NPHS2: variants seen among roughly 807,000 people sequenced by gnomAD.
NPHS2 encodes NPHS2 stomatin family member, podocin.
In NPHS2, 36 loss-of-function variants were observed where a neutral mutation model predicts 37.1. That is an observed-to-expected ratio of 0.97 (90% CI 0.74 to 1.28). The LOEUF is 1.28. NPHS2 is among the 50% of genes most tolerant of loss of function. NPHS2 has a pLI of 0.00. For missense variants in NPHS2, 447 were observed against 488.1 expected (o/e 0.92, Z 0.79); for synonymous variants, 196 against 189.3 (o/e 1.04, Z -0.29).
At chr1:179,560,237 G>A (rs972022721) in intron 3 of NPHS2, among the ~76,000 whole-genome samples, 2 of 152,148 alleles carry the variant, frequency 1.3e-5, no homozygotes, top group Non-Finnish European at 1.5e-5. Context: ...AATCAGAATA[G>A]CAATTATCAT....
intron 4 of NPHS2, 53 bp downstream of exon 4, chr1:179,559,626 T>G: frequency 8.8e-7 from 1 of 1,134,938 alleles, no homozygotes; most frequent in Non-Finnish European, 1.3e-6. Context: ...TTGTCCACGG[T>G]AGGTAGACCA....
intron 2 of NPHS2, among the ~76,000 whole-genome samples, chr1:179,563,685 AT>A (rs1674231459): frequency 6.6e-6 from 1 of 152,260 alleles, no homozygotes; most frequent in East Asian, 1.9e-4. Flanking sequence ...ATTGACAAAT[AT>A]GTGGAAATTA....
At chr1:179,572,552 A>G (rs1159605253) in intron 1 of NPHS2, among the ~76,000 whole-genome samples, 1 of 152,200 alleles carries the variant, frequency 6.6e-6, no homozygotes, top group South Asian at 2.1e-4. Context: ...CATGTGCTCA[A>G]TAAATATTAG....
intron 6 of NPHS2, 148 bp from the exon 7 acceptor site, chr1:179,552,829 G>A: frequency 1.4e-6 from 1 of 697,852 alleles, no homozygotes; most frequent in Non-Finnish European, 2.6e-6. Context: ...AGACTTCTGA[G>A]GTCAAAAGTA....
In NPHS2 at chr1:179,572,637, C is replaced by G. The variant is rs1674606424; in HGVS notation, c.274+2954G>C. The stretch of plus-strand genomic sequence containing the variant: ...ATGAAAATTTCAAGAATTTTAACCT[C>G]CAGGTACTAGAAAACTTACTAAAGC... On this transcript the variant is annotated intron_variant, in intron 1 of 7. Transcript: ENST00000367615. Among the ~76,000 whole-genome samples, 4 of 152,238 alleles carry G rather than the reference C, an allele frequency of 2.6e-5. No homozygotes were observed. The South Asian group carries it at 8.3e-4, about 32-fold the overall frequency.
At position 179,559,714 on chromosome 1, in the gene NPHS2, G is replaced by T; in HGVS notation, c.499C>A (p.Leu167Ile). 1 of 1,592,360 alleles carries T rather than the reference G, an allele frequency of 6.3e-7. No homozygotes were observed. The highest frequency in any genetic ancestry group is 1.1e-5 in the South Asian group (1 of 87,944). Reference protein sequence around the residue: ...PCLDTYHKVDLRLQTLEIPFH... With the variant: ...PCLDTYHKVDIRLQTLEIPFH... ...GGTATCTCCAGAGTTTGGAGACGAAGGTCAACCTTGTGGTAGGTATCCAGG... is the reference window on the plus strand; with the variant it reads ...GGTATCTCCAGAGTTTGGAGACGAATGTCAACCTTGTGGTAGGTATCCAGG... The change falls in exon 4 of 8, where the codon CTT (leucine) becomes ATT (isoleucine). Residue 167 changes from leucine to isoleucine, a missense_variant. Transcript: ENST00000367615.
At position 179,551,106 on chromosome 1, in the gene NPHS2, T is replaced by G; in HGVS notation, c.*67A>C. 1 of 1,596,608 alleles carries G rather than the reference T, an allele frequency of 6.3e-7. No homozygotes were observed. Among genetic ancestry groups the G allele is most frequent in the Non-Finnish European group, 8.6e-7 (1 of 1,166,122 alleles). On this transcript the variant is annotated 3_prime_UTR_variant, in exon 8 of 8. Coordinates refer to ENST00000367615, the MANE Select transcript of NPHS2 (RefSeq NM_014625.4). Reference sequence around the variant, plus strand: ...GGAAGGGCAGGGAATGAGGACAGAGTGTCTCCCTCAGGCATGTGACTTTTC... The same window carrying G: ...GGAAGGGCAGGGAATGAGGACAGAGGGTCTCCCTCAGGCATGTGACTTTTC...
At position 179,551,119 on chromosome 1, in the gene NPHS2, C is replaced by A. The variant is rs1410591; in HGVS notation, c.*54G>T. 7.5e-6 allele frequency: 12 copies of A among 1,608,056 alleles called. No individual in the cohort carries two copies. The South Asian group carries it at 1.1e-4, about 15-fold the overall frequency. ...ATGAGGACAGAGTGTCTCCCTCAGG[C>A]ATGTGACTTTTCTATGGCAGGCCCC... is the stretch of plus-strand genomic sequence containing the variant. On this transcript the variant is annotated 3_prime_UTR_variant, in exon 8 of 8. Coordinates refer to ENST00000367615, the MANE Select transcript of NPHS2 (RefSeq NM_014625.4).
chr1:179,571,449 AG>A (rs922985538), intron 1 of NPHS2, among the ~76,000 whole-genome samples: 28 of 152,126 alleles, frequency 1.8e-4, no homozygotes, highest in Admixed American at 1.3e-3. Flanking sequence ...GCTTCATCCC[AG>A]GGGGGCAGCC....
chr1:179,557,314 G>C, intron 4 of NPHS2, 84 bp from the exon 5 acceptor site: 1 of 1,097,094 alleles, frequency 9.1e-7, no homozygotes, highest in Non-Finnish European at 1.4e-6. Flanking sequence ...TGTGTTCAAA[G>C]TGAATTTTCT....
intron 1 of NPHS2, among the ~76,000 whole-genome samples, chr1:179,565,620 G>A (rs1267298083): frequency 2.0e-5 from 3 of 152,108 alleles, no homozygotes; most frequent in Non-Finnish European, 2.9e-5. Flanking sequence ...TGTGCACAAC[G>A]TGCAGGTTTG....
At chr1:179,572,083 G>A (rs1478816348) in intron 1 of NPHS2, among the ~76,000 whole-genome samples, 18 of 152,214 alleles carry the variant, frequency 1.2e-4, no homozygotes, top group South Asian at 2.1e-4. Flanking sequence ...CTCACTTTCC[G>A]ACCAGTCCTG....
rs560488723 is a variant in NPHS2, at chr1:179,551,172, C to T, written c.*1G>A. ...TACAGTCACATTATGCCCCATCCTT[C>T]CTATAACATGGGAGAGTCTTTCTTT... On this transcript the variant is annotated 3_prime_UTR_variant, in exon 8 of 8. Coordinates refer to ENST00000367615, the MANE Select transcript of NPHS2 (RefSeq NM_014625.4). 1 of 1,613,974 alleles carries T rather than the reference C, an allele frequency of 6.2e-7. No homozygotes were observed. Among genetic ancestry groups the T allele is most frequent in the South Asian group, 1.1e-5 (1 of 91,078 alleles).
intron 6 of NPHS2, among the ~76,000 whole-genome samples, 178 bp from the exon 7 acceptor site, chr1:179,552,859 T>C (rs181851700): frequency 1.2e-3 from 188 of 152,356 alleles, no homozygotes; most frequent in Non-Finnish European, 2.0e-3. Flanking sequence ...CCAAGGTCGA[T>C]GCCTCAAATG....
In NPHS2 at chr1:179,575,635, C is replaced by A; in HGVS notation, c.230G>T (p.Gly77Val). The change falls in exon 1 of 8, where the codon GGC (glycine) becomes GTC (valine). Residue 77 changes from glycine to valine, a missense_variant. Coordinates refer to ENST00000367615, the MANE Select transcript of NPHS2 (RefSeq NM_014625.4). Reference sequence around the variant, plus strand: ...CTCCAACAGCGCCACCACCTCGGTGCCCTCCTCGCCGGAGCCTCGGACCTC... The same window carrying A: ...CTCCAACAGCGCCACCACCTCGGTGACCTCCTCGCCGGAGCCTCGGACCTC... The part of the protein sequence containing the change: ...VDEVRGSGEE[G>V]TEVVALLESE... The A allele has an allele frequency of 6.2e-7, 1 of 1,603,650 alleles. No homozygotes were observed. Among genetic ancestry groups the A allele is most frequent in the South Asian group, 1.1e-5 (1 of 91,044 alleles).
intron 1 of NPHS2, 135 bp from the exon 2 acceptor site, chr1:179,564,928 A>T: frequency 2.6e-6 from 2 of 756,176 alleles, no homozygotes; most frequent in Middle Eastern, 3.6e-4. Context: ...GAATAAGTCA[A>T]ATCAGAGTAG....
At position 179,551,292 on chromosome 1, in the gene NPHS2, CA is replaced by C. The variant is rs1673229720; in HGVS notation, c.1032del (p.Phe344LeufsTer4). 2 of 1,613,894 alleles carry C rather than the reference CA, an allele frequency of 1.2e-6. No individual in the cohort carries two copies. The highest frequency in any genetic ancestry group is 1.7e-6 in the Non-Finnish European group (2 of 1,180,010). On this transcript the variant is annotated frameshift_variant, in exon 8 of 8. Transcript: ENST00000367615. LOFTEE classifies it high-confidence loss of function. ...GGAGAAGACAGGCAATTCAGTAGGT[CA>C]AATGGCAAAGGTAAAACCACAGTGG... ...KPSTVVLPLP[F>X]DLLNCLSSPS...
chr1:179,568,756 G>A (rs1674432062), intron 1 of NPHS2, among the ~76,000 whole-genome samples: 1 of 152,122 alleles, frequency 6.6e-6, no homozygotes, highest in Non-Finnish European at 1.5e-5. Context: ...TTGTGTCTTT[G>A]TTCTCATTGG....
intron 1 of NPHS2, 30 bp downstream of exon 1, chr1:179,575,561 A>G: frequency 6.3e-7 from 1 of 1,599,530 alleles, no homozygotes; most frequent in African/African-American, 1.3e-5. Flanking sequence ...CCACCTGGAA[A>G]AGTAGCAGAT....
Sources: allele counts gnomAD v4.1 joint callset (sites outside exome capture counted in the v4.1 genomes callset), GRCh38; gene constraint gnomAD v4.1.1; transcripts MANE v1.5; gene names NCBI Gene and HGNC (gene_info 2026-07-23, HGNC 2026-07-21).